Variants in LARGE1 observed in about 807,000 individuals in gnomAD.
LARGE1 encodes LARGE xylosyl- and glucuronyltransferase 1, also known as xylosyl- and glucuronyltransferase LARGE1.
Under a neutral mutation model 87.6 loss-of-function variants are expected in LARGE1, and 43 were observed. The observed-to-expected ratio is 0.49, with a 90% CI of 0.38 to 0.63. LARGE1 has a LOEUF of 0.63. LARGE1 is among the 30% of genes least tolerant of loss of function. The probability of loss-of-function intolerance (pLI) is 0.00; values close to 1 mark genes in which losing one functional copy is unlikely to be tolerated. For missense variants in LARGE1, 802 were observed against 1,000.2 expected (o/e 0.80, Z 2.67); for synonymous variants, 434 against 394.6 (o/e 1.10, Z -1.18).
intron 6 of LARGE1, among the ~76,000 whole-genome samples, chr22:33,457,807 C>T (rs2068202094): frequency 6.6e-6 from 1 of 152,076 alleles, no homozygotes; most frequent in African/African-American, 2.4e-5. Flanking sequence ...GAAGGCCTTC[C>T]AGGCTGAGGA....
At chr22:33,257,423 TAAAACA>T (rs145629358) in intron 11 of LARGE1, among the ~76,000 whole-genome samples, 90,643 of 139,596 alleles carry the variant, frequency 0.65, 29,386 homozygotes, top group Non-Finnish European at 0.72. Flanking sequence ...ACTTGGAAGG[TAAAACA>T]AAAACAAAAA....
the LARGE1 span, among the ~76,000 whole-genome samples, chr22:33,136,662 T>C: frequency 1.3e-5 from 2 of 152,148 alleles, no homozygotes; most frequent in Non-Finnish European, 2.9e-5. Context: ...TGAGCAAGCA[T>C]GGGGGATTTA....
At chr22:33,371,606 T>C in intron 9 of LARGE1, among the ~76,000 whole-genome samples, 1 of 152,230 alleles carries the variant, frequency 6.6e-6, no homozygotes, top group East Asian at 1.9e-4. Context: ...TAACTTGAAA[T>C]GATGATTCGC....
the LARGE1 span, among the ~76,000 whole-genome samples, chr22:33,080,634 A>C: frequency 6.6e-6 from 1 of 152,354 alleles, no homozygotes; most frequent in East Asian, 1.9e-4. Flanking sequence ...ACTGGTGAAC[A>C]GCTCTAATGA....
intron 1 of LARGE1, among the ~76,000 whole-genome samples, chr22:33,839,835 C>T (rs1235180648): frequency 6.6e-6 from 1 of 152,220 alleles, no homozygotes; most frequent in African/African-American, 2.4e-5. Flanking sequence ...CCTCATCTAA[C>T]TTTCATGCAT....
chr22:33,278,808 C>T (rs945004621), intron 13 of LARGE1, among the ~76,000 whole-genome samples: 1 of 152,142 alleles, frequency 6.6e-6, no homozygotes, highest in African/African-American at 2.4e-5. Context: ...CAACCTCTGC[C>T]TCCCCGGTTC....
intron 11 of LARGE1, among the ~76,000 whole-genome samples, chr22:33,248,905 G>A (rs538581377): frequency 7.9e-5 from 12 of 152,230 alleles, no homozygotes; most frequent in Admixed American, 1.3e-4. Context: ...TTTTCAGAGC[G>A]GAATAATATC....
chr22:33,729,853 A>G (rs1478517968), intron 2 of LARGE1, among the ~76,000 whole-genome samples: 2 of 152,220 alleles, frequency 1.3e-5, no homozygotes, highest in Admixed American at 6.5e-5. Flanking sequence ...AGAGGCTCTC[A>G]TGCTTACCCG....
rs988255656 is a variant in LARGE1 at position 33,778,165 on chromosome 22, A to G, written c.-82-16607T>C. On this transcript the variant is annotated intron_variant, in intron 1 of 14. Transcript: ENST00000397394. ...ACATGAGTTTCCTCAGGTCACAGAA[A>G]AAGTCTCTATAAGGATAAAGCACAG... 4.6e-4 allele frequency among the ~76,000 whole-genome samples: 70 copies of G among 152,322 alleles called. 2 individuals are homozygous for G. Among genetic ancestry groups the G allele is most frequent in the Admixed American group, 3.0e-3 (46 of 15,304 alleles).
intron 1 of LARGE1, among the ~76,000 whole-genome samples, chr22:33,915,651 T>A (rs2065765661): frequency 6.6e-6 from 1 of 152,210 alleles, no homozygotes; most frequent in Admixed American, 6.5e-5. Flanking sequence ...AATTTTCTGT[T>A]TTTAATAACA....
At chr22:33,704,576 G>C (rs1033408173) in intron 2 of LARGE1, among the ~76,000 whole-genome samples, 2 of 152,176 alleles carry the variant, frequency 1.3e-5, no homozygotes, top group African/African-American at 2.4e-5. Flanking sequence ...ACTGTTGCAA[G>C]GCACGACACT....
chr22:33,296,115 T>C (rs1278524202), intron 12 of LARGE1, among the ~76,000 whole-genome samples: 6 of 152,374 alleles, frequency 3.9e-5, no homozygotes, highest in South Asian at 4.1e-4. Context: ...TGATGTTTAC[T>C]GTTAGTAATA....
chr22:33,581,909 T>C (rs1202680234), intron 5 of LARGE1, among the ~76,000 whole-genome samples: 1 of 151,534 alleles, frequency 6.6e-6, no homozygotes, highest in African/African-American at 2.4e-5. Context: ...AAGTGATAGA[T>C]ACATCTTAAA....
At chr22:33,800,281 G>A (rs2086119396) in intron 1 of LARGE1, among the ~76,000 whole-genome samples, 1 of 152,160 alleles carries the variant, frequency 6.6e-6, no homozygotes, top group Non-Finnish European at 1.5e-5. Flanking sequence ...GAGAGGTCCT[G>A]TGTACCCTTC....
At chr22:33,362,958 G>A (rs2064441197) in intron 9 of LARGE1, among the ~76,000 whole-genome samples, 1 of 150,112 alleles carries the variant, frequency 6.7e-6, no homozygotes, top group African/African-American at 2.5e-5. Context: ...AGATAATACA[G>A]CACTCAATTA....
intron 7 of LARGE1, among the ~76,000 whole-genome samples, chr22:33,416,999 C>T (rs559091736): frequency 6.6e-5 from 10 of 150,748 alleles, no homozygotes; most frequent in South Asian, 4.2e-4. Flanking sequence ...CTCCGCCTCC[C>T]GGGTTCAAGC....
At chr22:33,825,513 T>C (rs1188897192) in intron 1 of LARGE1, among the ~76,000 whole-genome samples, 1 of 151,964 alleles carries the variant, frequency 6.6e-6, no homozygotes, top group Non-Finnish European at 1.5e-5. Context: ...AAACATGTCC[T>C]TCTTCACATG....
At chr22:33,688,837 C>G (rs951731899) in intron 2 of LARGE1, among the ~76,000 whole-genome samples, 1 of 152,048 alleles carries the variant, frequency 6.6e-6, no homozygotes, top group Non-Finnish European at 1.5e-5. Flanking sequence ...CATAATGTGT[C>G]TATTTCTTCC....
At chr22:33,401,590 C>G (rs2065927824) in intron 7 of LARGE1, among the ~76,000 whole-genome samples, 1 of 152,282 alleles carries the variant, frequency 6.6e-6, no homozygotes, top group East Asian at 1.9e-4. Context: ...TGGGGCTTCA[C>G]CCTCCATGAA....
Sources: gnomAD v4.1 joint callset for allele counts (sites outside exome capture counted in the v4.1 genomes callset) on GRCh38, gnomAD v4.1.1 for gene constraint, MANE v1.5 for transcripts, NCBI Gene and HGNC (gene_info 2026-07-23, HGNC 2026-07-21) for gene names.